The following RASSF5 variants were observed in gnomAD, a reference collection of about 807,000 sequenced individuals.
RASSF5 encodes the protein Ras association domain family member 5.
RASSF5 carries 25 observed loss-of-function variants against 40.5 expected under a neutral mutation model. The observed-to-expected ratio is 0.62, with a 90% CI of 0.45 to 0.86. The LOEUF (loss-of-function observed/expected upper bound fraction) is 0.86, where lower values mean the gene tolerates loss of function less well. Ranked by LOEUF, RASSF5 falls within the 40% of genes least tolerant of loss-of-function variation. The probability of loss-of-function intolerance (pLI) is 0.00; values close to 1 mark genes in which losing one functional copy is unlikely to be tolerated. For missense variants in RASSF5, 521 were observed against 572.8 expected (o/e 0.91, Z 0.92); for synonymous variants, 246 against 252.4 (o/e 0.97, Z 0.24).
chr1:206,551,915 C>T (rs1667852568), intron 2 of RASSF5, among the ~76,000 whole-genome samples: 1 of 152,236 alleles, frequency 6.6e-6, no homozygotes, highest in South Asian at 2.1e-4. Context: ...GAGAGGGGCA[C>T]ATCAGGGAGA....
intron 2 of RASSF5, among the ~76,000 whole-genome samples, chr1:206,556,123 T>G (rs1553401729): frequency 6.6e-6 from 1 of 152,196 alleles, no homozygotes; most frequent in African/African-American, 2.4e-5. Context: ...TGAAGGCAGT[T>G]TCCCTGCCGG....
chr1:206,523,418 A>G (rs1434699022), intron 1 of RASSF5, among the ~76,000 whole-genome samples: 1 of 117,324 alleles, frequency 8.5e-6, no homozygotes, highest in Non-Finnish European at 1.7e-5. Flanking sequence ...ATTATATATT[A>G]TATATTATAT....
intron 1 of RASSF5, among the ~76,000 whole-genome samples, chr1:206,526,293 T>TGTGTGTGTG (rs1553397193): frequency 2.0e-5 from 3 of 151,328 alleles, no homozygotes; most frequent in Non-Finnish European, 2.9e-5. Flanking sequence ...TGTGTGTGTG[T>TGTGTGTGTG]TGGAGTTGGG....
At chr1:206,532,815 G>C (rs577661532) in intron 1 of RASSF5, among the ~76,000 whole-genome samples, 1 of 152,212 alleles carries the variant, frequency 6.6e-6, no homozygotes, top group Non-Finnish European at 1.5e-5. Flanking sequence ...TAAATGGAGA[G>C]TTCTATGTTG....
intron 2 of RASSF5, among the ~76,000 whole-genome samples, chr1:206,553,804 T>C (rs1667912846): frequency 6.6e-6 from 1 of 152,214 alleles, no homozygotes; most frequent in South Asian, 2.1e-4. Flanking sequence ...TGGACTATAA[T>C]TTCAGGCATG....
At chr1:206,576,355 C>G (rs1465701044) in intron 2 of RASSF5, among the ~76,000 whole-genome samples, 2 of 152,152 alleles carry the variant, frequency 1.3e-5, no homozygotes, top group African/African-American at 2.4e-5. Context: ...GTCACAGAAC[C>G]AGGGGGTGAG....
At chr1:206,557,779 A>G (rs1163846229) in intron 2 of RASSF5, 4 of 1,449,156 alleles carry the variant, frequency 2.8e-6, no homozygotes, top group Non-Finnish European at 3.8e-6. Flanking sequence ...TGCTCCCAGC[A>G]AAGGGACAAA....
intron 1 of RASSF5, among the ~76,000 whole-genome samples, chr1:206,514,138 T>C (rs1230301813): frequency 1.3e-5 from 2 of 152,182 alleles, no homozygotes; most frequent in African/African-American, 2.4e-5. Flanking sequence ...CATTGGGAAA[T>C]CTTTGAGGTT....
intron 1 of RASSF5, chr1:206,529,179 G>A: frequency 6.8e-7 from 1 of 1,477,702 alleles, no homozygotes; most frequent in Non-Finnish European, 9.1e-7. Flanking sequence ...CCGCCAAACA[G>A]CTACTCAGCT....
chr1:206,507,894 C>T lies in RASSF5; in HGVS notation c.292C>T (p.Pro98Ser), dbSNP rs1361242732. ...GAGACTGCGGCGGCGGCCTGGAGCGCCCCGACCCCGCGACGTGCGGAGCAT... is the reference window on the plus strand; with the variant it reads ...GAGACTGCGGCGGCGGCCTGGAGCGTCCCGACCCCGCGACGTGCGGAGCAT... Reference protein sequence around the residue: ...QQRLRRRPGAPRPRDVRSIFE... With the variant: ...QQRLRRRPGASRPRDVRSIFE... The change falls in exon 1 of 6, where the codon CCC (proline) becomes TCC (serine). Residue 98 changes from proline to serine, a missense_variant. This residue lies in a region of RASSF5 where 237 missense variants were observed against 212.0 expected (regional missense o/e 1.12). Transcript: ENST00000579436. 4.7e-6 allele frequency: 7 copies of T among 1,501,822 alleles called. No homozygotes were observed. Among genetic ancestry groups the T allele is most frequent in the Non-Finnish European group, 4.4e-6 (5 of 1,132,738 alleles). 93.0% of individuals were successfully genotyped at this position (1,501,822 alleles called of 1,614,324 possible). A position where few individuals can be genotyped will look rare whatever the true frequency, so the allele number is the denominator to read the frequency against.
At chr1:206,570,453 T>C (rs1341583341) in intron 2 of RASSF5, among the ~76,000 whole-genome samples, 1 of 152,142 alleles carries the variant, frequency 6.6e-6, no homozygotes, top group Non-Finnish European at 1.5e-5. Flanking sequence ...CACATTGTTG[T>C]ACAACCATCA....
chr1:206,563,281 G>A (rs569953041), intron 2 of RASSF5, among the ~76,000 whole-genome samples: 11 of 152,314 alleles, frequency 7.2e-5, no homozygotes, highest in Non-Finnish European at 1.5e-4. Flanking sequence ...GCATTTAGCT[G>A]TCTCTGCCAC....
At chr1:206,569,654 G>A (rs969575942) in intron 2 of RASSF5, among the ~76,000 whole-genome samples, 1 of 152,194 alleles carries the variant, frequency 6.6e-6, no homozygotes, top group Admixed American at 6.5e-5. Flanking sequence ...TCATGACTTA[G>A]TTTGCTCTAG....
At chr1:206,539,139 C>A (rs1269529973) in intron 2 of RASSF5, among the ~76,000 whole-genome samples, 7 of 152,140 alleles carry the variant, frequency 4.6e-5, no homozygotes, top group African/African-American at 1.4e-4. Context: ...GGTTGCGAGT[C>A]AGGGAAGTAA....
At chr1:206,515,952 C>G (rs963500054) in intron 1 of RASSF5, among the ~76,000 whole-genome samples, 1 of 152,216 alleles carries the variant, frequency 6.6e-6, no homozygotes, top group South Asian at 2.1e-4. Flanking sequence ...CCAGCTGTAA[C>G]ATGAGAGTTT....
At chr1:206,523,909 T>C (rs1667009253) in intron 1 of RASSF5, among the ~76,000 whole-genome samples, 1 of 112,992 alleles carries the variant, frequency 8.9e-6, no homozygotes, top group East Asian at 2.3e-4. Flanking sequence ...ATATATATTT[T>C]ATATATAATA....
chr1:206,563,288 C>A, intron 2 of RASSF5, among the ~76,000 whole-genome samples: 1 of 152,136 alleles, frequency 6.6e-6, no homozygotes. Context: ...GCTGTCTCTG[C>A]CACACATGCC....
chr1:206,536,642 A>C (rs782267461), intron 1 of RASSF5, among the ~76,000 whole-genome samples: 44 of 152,200 alleles, frequency 2.9e-4, no homozygotes, highest in Non-Finnish European at 5.4e-4. Flanking sequence ...GCTTTTAAAA[A>C]TCGACACCAA....
chr1:206,557,699 CATA>C, intron 2 of RASSF5: 2 of 1,614,018 alleles, frequency 1.2e-6, no homozygotes, highest in Non-Finnish European at 1.7e-6. Context: ...CAAAGGTAAA[CATA>C]ATAATGGAAT....
Sources: allele counts gnomAD v4.1 joint callset (sites outside exome capture counted in the v4.1 genomes callset), GRCh38; gene constraint gnomAD v4.1.1; regional missense constraint gnomAD v4.1.1; transcripts MANE v1.5; gene names NCBI Gene and HGNC (gene_info 2026-07-23, HGNC 2026-07-21).